Variants in USP8 observed in about 807,000 individuals in gnomAD.
The protein encoded by USP8 is ubiquitin carboxyl-terminal hydrolase 8.
USP8 carries 27 observed loss-of-function variants against 130.0 expected under a neutral mutation model. The observed-to-expected ratio is 0.21, with a 90% CI of 0.15 to 0.29. The LOEUF is 0.29. Ranked by LOEUF, USP8 falls within the 10% of genes least tolerant of loss-of-function variation. The probability of loss-of-function intolerance (pLI) is 1.00; values close to 1 mark genes in which losing one functional copy is unlikely to be tolerated. For missense variants in USP8, 1,029 were observed against 1,312.2 expected, an observed-to-expected ratio of 0.78 and a Z score of 3.33; for synonymous variants, 392 against 444.1, an observed-to-expected ratio of 0.88 and a Z score of 1.48.
intron 3 of USP8, among the ~76,000 whole-genome samples, chr15:50,447,501 A>T (rs1020877248): frequency 1.3e-5 from 2 of 151,852 alleles, no homozygotes; most frequent in Non-Finnish European, 2.9e-5. Flanking sequence ...TCAGCCTCCC[A>T]ATGTGCTGGG....
chr15:50,427,034 ACCTCTGC>A (rs1351279445), intron 1 of USP8: 2 of 151,028 alleles, frequency 1.3e-5, no homozygotes, highest in Non-Finnish European at 2.9e-5. Context: ...GCTCACTGCA[ACCTCTGC>A]CTCCTGGGTT....
Position 50,513,884 on chromosome 15 carries a change from G to C in USP8, c.*14796G>C, listed in dbSNP as rs2052772035. The C allele has an allele frequency of 6.6e-6, 1 of 152,116 alleles. No homozygotes were observed. Among genetic ancestry groups the C allele is most frequent in the South Asian group, 2.1e-4 (1 of 4,830 alleles). The allele number at this position is 152,116 out of a possible 1,614,324, so 9.4% of individuals were successfully genotyped here. A position where few individuals can be genotyped will look rare whatever the true frequency, so the allele number is the denominator to read the frequency against. On this transcript the variant is annotated 3_prime_UTR_variant, in exon 20 of 20. Coordinates refer to ENST00000307179, the MANE Select transcript of USP8 (RefSeq NM_005154.5). ...CAGTATGTACTAAAGCCAGACATAT[G>C]CGTATTTCTGAACCAGGAGTTTCAC...
intron 3 of USP8, among the ~76,000 whole-genome samples, chr15:50,447,241 A>G (rs913844389): frequency 2.6e-5 from 4 of 151,994 alleles, no homozygotes; most frequent in African/African-American, 9.7e-5. Flanking sequence ...ATTTACTGTT[A>G]GTTTTTGTTG....
rs536740079 is a variant in USP8, at chr15:50,499,064, A to C, written c.3333A>C (p.Pro1111=). 9 of 1,611,140 alleles carry C rather than the reference A, an allele frequency of 5.6e-6. No homozygotes were observed. The highest frequency in any genetic ancestry group is 1.7e-4 in the Middle Eastern group (1 of 6,040). ...AYILFYTSLG[P]RVTDVAT is the part of the protein sequence containing the mutation. ...TCCTCTTTTATACTTCATTGGGACC[A>C]CGAGTAACTGATGTAGCCACATAAG... is the stretch of plus-strand genomic sequence containing the variant. Residue 1111 remains proline, a synonymous_variant, in exon 20 of 20, where the codon CCA becomes CCC. Transcript: ENST00000307179.
chr15:50,427,708 T>G (rs957623848), intron 1 of USP8, among the ~76,000 whole-genome samples: 11 of 151,658 alleles, frequency 7.3e-5, no homozygotes, highest in Non-Finnish European at 1.3e-4. Flanking sequence ...TATAGGCACC[T>G]GCCACCATGC....
intron 14 of USP8, among the ~76,000 whole-genome samples, chr15:50,490,880 C>T (rs1023567420): frequency 6.6e-6 from 1 of 152,104 alleles, no homozygotes; most frequent in African/African-American, 2.4e-5. Context: ...ATTGAGCTTG[C>T]CTTGTTGCAG....
chr15:50,490,323 A>G lies in USP8; in HGVS notation c.2032A>G (p.Met678Val), dbSNP rs1360244826. The G allele has an allele frequency of 2.5e-6, 4 of 1,613,302 alleles. No homozygotes were observed. Among genetic ancestry groups the G allele is most frequent in the East Asian group, 4.5e-5 (2 of 44,876 alleles). Residue 678 changes from methionine to valine, a missense_variant, in exon 14 of 20, where the codon ATG (methionine) becomes GTG (valine). Met to Val is a conservative substitution (Grantham distance 21). This residue lies in a region of USP8 where 486 missense variants were observed against 522.0 expected (regional missense o/e 0.93). Transcript: ENST00000307179. ...YYHSPTNTVH[M>V]YPPEMAPSSA... The stretch of plus-strand genomic sequence containing the variant: ...TCATTCACCCACCAACACTGTTCAT[A>G]TGTACCCACCGGAAATGGCTCCTTC...
chr15:50,475,385 A>C (rs1301197660), intron 8 of USP8, among the ~76,000 whole-genome samples: 1 of 152,138 alleles, frequency 6.6e-6, no homozygotes, highest in Non-Finnish European at 1.5e-5. Context: ...ATACCATTTT[A>C]TGTTCATCAG....
rs1596007064 is a variant in USP8 at position 50,511,308 on chromosome 15, T to C, written c.*12220T>C. ...TGAGGATGTGGGGAAACTGGAACCTTAGTTCCAGTTGCTGGTGGGAACGTA... is the reference window on the plus strand; with the variant it reads ...TGAGGATGTGGGGAAACTGGAACCTCAGTTCCAGTTGCTGGTGGGAACGTA... On this transcript the variant is annotated 3_prime_UTR_variant, in exon 20 of 20. Transcript: ENST00000307179. 6.6e-6 allele frequency: 1 copy of C among 152,244 alleles called. No individual in the cohort carries two copies. The highest frequency in any genetic ancestry group is 1.9e-4 in the East Asian group (1 of 5,182). 9.4% of individuals were successfully genotyped at this position (152,244 alleles called of 1,614,324 possible). A position where few individuals can be genotyped will look rare whatever the true frequency, so the allele number is the denominator to read the frequency against.
intron 4 of USP8, among the ~76,000 whole-genome samples, chr15:50,451,992 G>A (rs1374572434): frequency 2.0e-5 from 3 of 152,320 alleles, no homozygotes; most frequent in Middle Eastern, 3.4e-3. Flanking sequence ...CGTGTGTGCC[G>A]AGTGGGGTCC....
At chr15:50,472,808 G>A (rs1220425352) in intron 8 of USP8, among the ~76,000 whole-genome samples, 2 of 152,026 alleles carry the variant, frequency 1.3e-5, no homozygotes, top group Non-Finnish European at 2.9e-5. Flanking sequence ...TACTCAGAAG[G>A]CTGAGGTAGG....
intron 1 of USP8, among the ~76,000 whole-genome samples, chr15:50,434,330 C>T (rs1218207074): frequency 2.6e-5 from 4 of 151,578 alleles, no homozygotes; most frequent in Non-Finnish European, 4.4e-5. Context: ...CTCAAACTCC[C>T]GACCTCAAGC....
In USP8 at chr15:50,511,994, T is replaced by A. The variant is rs2052744634; in HGVS notation, c.*12906T>A. The A allele has an allele frequency of 6.6e-6, 1 of 151,970 alleles. No homozygotes were observed. The highest frequency in any genetic ancestry group is 6.6e-5 in the Admixed American group (1 of 15,240). 9.4% of individuals were successfully genotyped at this position (151,970 alleles called of 1,614,324 possible). A position where few individuals can be genotyped will look rare whatever the true frequency, so the allele number is the denominator to read the frequency against. On this transcript the variant is annotated 3_prime_UTR_variant, in exon 20 of 20. Coordinates refer to ENST00000307179, the MANE Select transcript of USP8 (RefSeq NM_005154.5). ...GCCTGAGCAAGAGTGAGATATTGTC[T>A]CAAAAAATAAAATAAATAAAATTTT...
At chr15:50,472,737 C>T (rs1410755264) in intron 8 of USP8, among the ~76,000 whole-genome samples, 4 of 152,068 alleles carry the variant, frequency 2.6e-5, no homozygotes, top group Non-Finnish European at 5.9e-5. Context: ...ATGCAGAAAC[C>T]TCGTCTCTGC....
At chr15:50,461,456 CAA>C (rs71124356) in intron 5 of USP8, among the ~76,000 whole-genome samples, 15,965 of 108,586 alleles carry the variant, frequency 0.15, 1,172 homozygotes, top group Middle Eastern at 0.28. Context: ...ACCCTATCTC[CAA>C]AAAAAAAAAA....
chr15:50,508,101 T>C lies in USP8; in HGVS notation c.*9013T>C, dbSNP rs1470078200. ...AAAAAAAAAAAAAAAAAAAGATTAG[T>C]TTAATTTAGACCCTAGTCTTTGAAC... On this transcript the variant is annotated 3_prime_UTR_variant, in exon 20 of 20. Transcript: ENST00000307179. 1.4e-5 allele frequency: 2 copies of C among 147,806 alleles called. No individual in the cohort carries two copies. The highest frequency in any genetic ancestry group is 5.0e-5 in the African/African-American group (2 of 40,216). The allele number at this position is 147,806 out of a possible 1,614,324, so 9.2% of individuals were successfully genotyped here.
chr15:50,434,586 G>C (rs1272580339), intron 1 of USP8, among the ~76,000 whole-genome samples: 1 of 150,768 alleles, frequency 6.6e-6, no homozygotes, highest in African/African-American at 2.4e-5. Flanking sequence ...TTTTCCACTT[G>C]CAATCCTTTT....
chr15:50,456,509 G>A (rs1310892536), intron 4 of USP8, among the ~76,000 whole-genome samples: 2 of 151,182 alleles, frequency 1.3e-5, no homozygotes, highest in Admixed American at 6.6e-5. Context: ...GAGATGCAGA[G>A]GTTTCAGTGA....
rs1462953361 is a variant in USP8, at chr15:50,513,721, C to A, written c.*14633C>A. ...TTATTTAAACCACAATGCCATTCTA[C>A]TATATGGGCAACCAGAAGGGCCAAA... On this transcript the variant is annotated 3_prime_UTR_variant, in exon 20 of 20. Coordinates refer to ENST00000307179, the MANE Select transcript of USP8 (RefSeq NM_005154.5). 2 of 146,262 alleles carry A rather than the reference C, an allele frequency of 1.4e-5. No homozygotes were observed. The highest frequency in any genetic ancestry group is 4.9e-5 in the African/African-American group (2 of 41,118). The allele number at this position is 146,262 out of a possible 1,614,324, so 9.1% of individuals were successfully genotyped here. A position where few individuals can be genotyped will look rare whatever the true frequency, so the allele number is the denominator to read the frequency against.
Sources: allele counts gnomAD v4.1 joint callset (sites outside exome capture counted in the v4.1 genomes callset), GRCh38; gene constraint gnomAD v4.1.1; regional missense constraint gnomAD v4.1.1; transcripts MANE v1.5; gene names NCBI Gene and HGNC (gene_info 2026-07-23, HGNC 2026-07-21).